Variants in DEAF1 observed in about 807,000 individuals in gnomAD.
DEAF1 encodes the protein deformed epidermal autoregulatory factor 1 homolog.
A neutral mutation model predicts 58.9 loss-of-function variants in DEAF1; 53 were observed. The ratio of observed to expected loss-of-function variants is 0.90; its 90% CI spans 0.72 to 1.13. The LOEUF (loss-of-function observed/expected upper bound fraction) is 1.13, where lower values mean the gene tolerates loss of function less well. DEAF1 is among the 50% of genes most tolerant of loss of function. The pLI, the probability that DEAF1 is intolerant of heterozygous loss-of-function variation, is 0.00. For synonymous variants in DEAF1, 385 were observed against 340.4 expected (o/e 1.13, Z -1.44); for missense variants, 685 against 791.4 (o/e 0.87, Z 1.61).
intron 10 of DEAF1, among the ~76,000 whole-genome samples, chr11:655,997 A>AG (rs1859036659): frequency 2.0e-5 from 3 of 149,344 alleles, no homozygotes; most frequent in Non-Finnish European, 3.0e-5. Context: ...ACGCCTGGCT[A>AG]ATTTTTTTGT....
chr11:691,393 A>C (rs901525564), intron 2 of DEAF1, 108 bp downstream of exon 2: 2 of 1,019,800 alleles, frequency 2.0e-6, no homozygotes, highest in Admixed American at 1.9e-5. Context: ...CCCAGCTCAC[A>C]GAGCAGACGT....
At chr11:650,983 G>C (rs1458951303) in intron 11 of DEAF1, among the ~76,000 whole-genome samples, 4 of 150,800 alleles carry the variant, frequency 2.7e-5, no homozygotes, top group Non-Finnish European at 5.9e-5. Flanking sequence ...TTTTTTTTGA[G>C]ATGGAGTCTC....
intron 10 of DEAF1, among the ~76,000 whole-genome samples, chr11:662,733 C>T (rs955386941): frequency 2.0e-5 from 3 of 152,220 alleles, no homozygotes; most frequent in Non-Finnish European, 4.4e-5. Flanking sequence ...AACGGCCTTG[C>T]TCCTGCCTGG....
chr11:688,006 G>C lies in DEAF1; in HGVS notation c.569C>G (p.Thr190Ser), dbSNP rs138400227. The C allele has an allele frequency of 2.5e-6, 4 of 1,614,010 alleles. No individual in the cohort carries two copies. The highest frequency in any genetic ancestry group is 3.4e-6 in the Non-Finnish European group (4 of 1,180,044). Residue 190 changes from threonine (T) to serine (S), a missense_variant, in exon 4 of 12, where the codon ACT (threonine) becomes AGT (serine). This residue lies in a region of DEAF1 where 132 missense variants were observed against 234.3 expected (regional missense o/e 0.56). Transcript: ENST00000382409. This position sits in a 1 kb window ranked among gnomAD's most constrained non-coding sequence, Gnocchi z 4.3. ...PLAPGQEKGGTKYNWDPSVYD... is the reference protein window; with the variant it reads ...PLAPGQEKGGSKYNWDPSVYD... Reference sequence around the variant, plus strand: ...CACAGAAGGGTCCCAGTTGTATTTAGTTCCACCTTTTTCTTGGCCGGGAGC... The same window carrying C: ...CACAGAAGGGTCCCAGTTGTATTTACTTCCACCTTTTTCTTGGCCGGGAGC...
intron 6 of DEAF1, among the ~76,000 whole-genome samples, chr11:684,679 C>A (rs1860512125): frequency 6.6e-6 from 1 of 152,170 alleles, no homozygotes; most frequent in African/African-American, 2.4e-5. Context: ...CTTTGAGCAA[C>A]ATCTTGGGGG....
At chr11:698,738 T>C (rs947283786), upstream of DEAF1, 5 of 1,071,452 alleles carry the variant, frequency 4.7e-6, no homozygotes, top group Admixed American at 6.8e-5. Flanking sequence ...CCACGGTATA[T>C]GTTTGCTGCT....
Position 653,428 on chromosome 11 carries a change from G to GTC in DEAF1, c.1593+532_1593+533dup, listed in dbSNP as rs1178054690. Among the ~76,000 whole-genome samples the GTC allele has an allele frequency of 4.2e-4, 50 of 118,332 alleles. 1 individual carries two copies. Among genetic ancestry groups the GTC allele is most frequent in the African/African-American group, 1.5e-3 (43 of 28,898 alleles). 77.6% of individuals were successfully genotyped at this position (118,332 alleles called of 152,430 possible). A position where few individuals can be genotyped will look rare whatever the true frequency, so the allele number is the denominator to read the frequency against. Reference sequence around the variant, plus strand: ...CTCAATAATAGAGGAACTGTGGACAGTCTCTCTCGCGTGGCTCTGCAGGGG... The same window carrying GTC: ...CTCAATAATAGAGGAACTGTGGACAGTCTCTCTCTCGCGTGGCTCTGCAGGGG... On this transcript the variant is annotated intron_variant, in intron 11 of 11. Coordinates refer to ENST00000382409, the MANE Select transcript of DEAF1 (RefSeq NM_021008.4).
chr11:700,454 G>A (rs965795597), intron 1 of DEAF1, among the ~76,000 whole-genome samples: 1 of 151,686 alleles, frequency 6.6e-6, no homozygotes, highest in African/African-American at 2.4e-5. Flanking sequence ...TTGAACCCGG[G>A]AGGTGGAGGT....
In DEAF1 at chr11:694,838, C is replaced by G; in HGVS notation, c.210G>C (p.Ala70=). The G allele has an allele frequency of 1.4e-6, 2 of 1,471,578 alleles. No individual in the cohort carries two copies. The highest frequency in any genetic ancestry group is 2.9e-5 in the East Asian group (1 of 34,498). 91.2% of individuals were successfully genotyped at this position (1,471,578 alleles called of 1,614,324 possible). The change falls in exon 1 of 12, where the codon GCG becomes GCC. Residue 70 remains alanine (A), a synonymous_variant. Coordinates refer to ENST00000382409, the MANE Select transcript of DEAF1 (RefSeq NM_021008.4). ...TPRVTAVAVM[A]AEPGHMDMGA... Reference sequence around the variant, plus strand: ...CCATGTCCATGTGCCCGGGCTCCGCCGCCATCACCGCCACTGCCGTGACCC... The same window carrying G: ...CCATGTCCATGTGCCCGGGCTCCGCGGCCATCACCGCCACTGCCGTGACCC...
At chr11:703,302 G>C (rs1861584137) in intron 1 of DEAF1, 1 of 1,426,462 alleles carries the variant, frequency 7.0e-7, no homozygotes, top group East Asian at 2.6e-5. Flanking sequence ...TCTGGCAGGA[G>C]TGGGAGCAGG....
At chr11:685,460 C>G (rs1224604296) in intron 5 of DEAF1, among the ~76,000 whole-genome samples, 1 of 151,528 alleles carries the variant, frequency 6.6e-6, no homozygotes, top group Non-Finnish European at 1.5e-5. Flanking sequence ...TTTGAGAGGC[C>G]GACGCAGGCA....
Position 695,097 on chromosome 11 carries a change from C to T in DEAF1, c.-50G>A, listed in dbSNP as rs1014382075. ...AGGCGCCGTCCGGGACCGCCCGAAGCGCCGGTCGCGGAGCCCGAAGCGGGG... is the reference window on the plus strand; with the variant it reads ...AGGCGCCGTCCGGGACCGCCCGAAGTGCCGGTCGCGGAGCCCGAAGCGGGG... On this transcript the variant is annotated 5_prime_UTR_variant, in exon 1 of 12. Transcript: ENST00000382409. The T allele has an allele frequency of 1.4e-6, 2 of 1,400,442 alleles. No homozygotes were observed. Among genetic ancestry groups the T allele is most frequent in the South Asian group, 2.8e-5 (2 of 71,646 alleles). The allele number at this position is 1,400,442 out of a possible 1,614,324, so 86.8% of individuals were successfully genotyped here.
upstream of DEAF1, among the ~76,000 whole-genome samples, chr11:696,428 C>T (rs1315257146): frequency 1.3e-5 from 2 of 152,214 alleles, no homozygotes; most frequent in East Asian, 3.8e-4. Flanking sequence ...ATGGCTACTC[C>T]ATAGGCAGGA....
intron 1 of DEAF1, chr11:706,563 G>A (rs1298529923): frequency 6.5e-6 from 1 of 152,686 alleles, no homozygotes; most frequent in Non-Finnish European, 1.5e-5. Flanking sequence ...CCAGCGATGG[G>A]TGACTCACCT....
chr11:680,802 G>C (rs556880621), intron 7 of DEAF1, among the ~76,000 whole-genome samples, 161 bp downstream of exon 7: 1 of 152,204 alleles, frequency 6.6e-6, no homozygotes, highest in South Asian at 2.1e-4. Flanking sequence ...CTTCCCACCC[G>C]GGGGACGCAC....
intron 6 of DEAF1, among the ~76,000 whole-genome samples, chr11:683,993 C>G (rs1860480976): frequency 6.6e-6 from 1 of 152,196 alleles, no homozygotes. Flanking sequence ...TTTTCCCAAT[C>G]AACTTCAAAA....
chr11:647,806 A>G lies in DEAF1; in HGVS notation c.1594-3152T>C, dbSNP rs151245327. Among the ~76,000 whole-genome samples the G allele has an allele frequency of 5.7e-3, 856 of 150,858 alleles. 4 individuals are homozygous for G. Among genetic ancestry groups the G allele is most frequent in the Non-Finnish European group, 9.1e-3 (609 of 67,218 alleles). On this transcript the variant is annotated intron_variant, in intron 11 of 11. Coordinates refer to ENST00000382409, the MANE Select transcript of DEAF1 (RefSeq NM_021008.4). ...AGCACGTAGGTGACTCAATCCAGGC[A>G]GTGCTGGGAGCAGGTGGGTGGACTT...
intron 9 of DEAF1, 83 bp from the exon 10 acceptor site, chr11:674,866 C>T (rs1589998655): frequency 1.2e-5 from 19 of 1,583,656 alleles, no homozygotes; most frequent in East Asian, 4.5e-5. Flanking sequence ...AATTCTCAGC[C>T]GGGCGCGGTG....
chr11:678,932 A>G, intron 8 of DEAF1, 110 bp from the exon 9 acceptor site: 1 of 1,421,836 alleles, frequency 7.0e-7, no homozygotes, highest in South Asian at 1.3e-5. Flanking sequence ...GCTTATGGCC[A>G]CACGTGGCTA....
Sources: gnomAD v4.1 joint callset for allele counts (sites outside exome capture counted in the v4.1 genomes callset) on GRCh38, gnomAD v4.1.1 for gene constraint, gnomAD v4.1.1 regional missense constraint, Gnocchi (gnomAD v3.1) non-coding constraint, MANE v1.5 for transcripts, NCBI Gene and HGNC (gene_info 2026-07-23, HGNC 2026-07-21) for gene names.